The following TDRD3 variants were observed in gnomAD, a reference collection of about 807,000 sequenced individuals.
The protein encoded by TDRD3 is tudor domain containing 3, also known as tudor domain-containing protein 3.
TDRD3 carries 45 observed loss-of-function variants against 86.7 expected under a neutral mutation model. The observed-to-expected ratio is 0.52, with a 90% confidence interval of 0.41 to 0.67. The LOEUF (loss-of-function observed/expected upper bound fraction) is 0.67, where lower values mean the gene tolerates loss of function less well. TDRD3 is among the 30% of genes least tolerant of loss of function. The probability of loss-of-function intolerance (pLI) is 0.00; values close to 1 mark genes in which losing one functional copy is unlikely to be tolerated. For missense variants in TDRD3, 814 were observed against 889.0 expected (o/e 0.92, Z 1.07); for synonymous variants, 298 against 301.7 (o/e 0.99, Z 0.13).
At chr13:60,540,258 A>AG (rs1957781443) in intron 12 of TDRD3, among the ~76,000 whole-genome samples, 1 of 152,180 alleles carries the variant, frequency 6.6e-6, no homozygotes, top group African/African-American at 2.4e-5. Flanking sequence ...AGGAAACTGT[A>AG]TGGCTAGTTT....
chr13:60,505,110 G>A (rs1331077235), intron 8 of TDRD3, among the ~76,000 whole-genome samples: 1 of 152,158 alleles, frequency 6.6e-6, no homozygotes, highest in Non-Finnish European at 1.5e-5. Flanking sequence ...CTGCTGGAAA[G>A]GGGGCTGAAG....
At chr13:60,569,048 A>G (rs1488594113) in intron 13 of TDRD3, among the ~76,000 whole-genome samples, 2 of 151,962 alleles carry the variant, frequency 1.3e-5, no homozygotes, top group African/African-American at 4.8e-5. Flanking sequence ...AGCTCACTCC[A>G]GCCTCTGCCT....
intron 5 of TDRD3, among the ~76,000 whole-genome samples, chr13:60,481,449 G>C (rs112221469): frequency 0.048 from 7,255 of 150,334 alleles, 218 homozygotes; most frequent in Non-Finnish European, 0.065. Flanking sequence ...TTTACCCTAG[G>C]CTTTTCCTTT....
intron 5 of TDRD3, among the ~76,000 whole-genome samples, chr13:60,482,416 TGTTA>T (rs1287547976): frequency 3.3e-5 from 5 of 152,202 alleles, no homozygotes; most frequent in Non-Finnish European, 4.4e-5. Context: ...TTGTTAAGAT[TGTTA>T]GTTGTTTTTA....
intron 1 of TDRD3, among the ~76,000 whole-genome samples, chr13:60,405,453 TG>T (rs1181802587): frequency 4.6e-5 from 7 of 152,146 alleles, no homozygotes; most frequent in Admixed American, 2.0e-4. Flanking sequence ...CTTTTCATGG[TG>T]GTCAGAGAAT....
chr13:60,536,749 G>A (rs932708704), intron 12 of TDRD3: 11 of 151,858 alleles, frequency 7.2e-5, no homozygotes, highest in South Asian at 2.1e-4. Context: ...CTTTTCTTAC[G>A]TGGCTTCTTC....
intron 3 of TDRD3, among the ~76,000 whole-genome samples, chr13:60,445,079 T>C (rs933424814): frequency 6.6e-6 from 1 of 152,164 alleles, no homozygotes; most frequent in Non-Finnish European, 1.5e-5. Context: ...TACCTTTTTA[T>C]TTTAGTTACC....
At chr13:60,548,984 C>G (rs556419407) in intron 12 of TDRD3, among the ~76,000 whole-genome samples, 4 of 152,186 alleles carry the variant, frequency 2.6e-5, no homozygotes, top group African/African-American at 9.6e-5. Flanking sequence ...ACTTAAGCAT[C>G]CAACAGTAGG....
chr13:60,475,652 A>G lies in TDRD3; in HGVS notation c.496-8123A>G, dbSNP rs151086385. 3.4e-3 allele frequency among the ~76,000 whole-genome samples: 514 copies of G among 152,342 alleles called. 4 individuals are homozygous for G. The highest frequency in any genetic ancestry group is 0.011 in the African/African-American group (471 of 41,584). The stretch of plus-strand genomic sequence containing the variant: ...TTCCACAGTGGCTGGACTAGTTTAC[A>G]TTCCCAGCAACTGTGTATGTGTATT... On this transcript the variant is annotated intron_variant, in intron 5 of 13. Coordinates refer to ENST00000377881, the MANE Select transcript of TDRD3 (RefSeq NM_001146070.2).
intron 1 of TDRD3, among the ~76,000 whole-genome samples, chr13:60,424,231 C>T (rs1371844442): frequency 7.8e-6 from 1 of 128,536 alleles, no homozygotes; most frequent in East Asian, 2.1e-4. Flanking sequence ...CTGTGTTAGC[C>T]AGGATGGTCT....
intron 1 of TDRD3, among the ~76,000 whole-genome samples, chr13:60,403,698 A>C (rs1177203741): frequency 6.6e-6 from 1 of 152,230 alleles, no homozygotes; most frequent in East Asian, 1.9e-4. Flanking sequence ...AAAGAACTGC[A>C]TAGACAGAGA....
At chr13:60,531,827 A>G (rs9528154) in intron 11 of TDRD3, among the ~76,000 whole-genome samples, 68,128 of 151,910 alleles carry the variant, frequency 0.45, 15,734 homozygotes, top group South Asian at 0.55. Flanking sequence ...TATGAGCCAT[A>G]GTTAAAAAAA....
chr13:60,483,834 G>A lies in TDRD3; in HGVS notation c.555G>A (p.Val185=). Residue 185 remains valine, a synonymous_variant, in exon 6 of 14, where the codon GTG becomes GTA. Coordinates refer to ENST00000377881, the MANE Select transcript of TDRD3 (RefSeq NM_001146070.2). ...CTGAAGGTGGACCACCGCCTTTTGT[G>A]CCTTTTGGACAGGTAATGACTTTTG... ...IGTEGGPPPF[V]PFGQKCVSHV... is the part of the protein sequence containing the mutation. The A allele has an allele frequency of 6.2e-7, 1 of 1,613,260 alleles. No individual in the cohort carries two copies. The highest frequency in any genetic ancestry group is 1.1e-5 in the South Asian group (1 of 90,962).
intron 12 of TDRD3, among the ~76,000 whole-genome samples, chr13:60,563,256 G>A (rs537982410): frequency 1.4e-5 from 2 of 147,760 alleles, no homozygotes; most frequent in South Asian, 2.2e-4. Context: ...AAGGCAAGGC[G>A]ATTCATTAAG....
In TDRD3 at chr13:60,544,455, AAAAAG is replaced by A. The variant is rs1475053383; in HGVS notation, c.2118+9226_2118+9230del. Among the ~76,000 whole-genome samples, 14 of 145,740 alleles carry A rather than the reference AAAAAG, an allele frequency of 9.6e-5. No individual in the cohort carries two copies. In the East Asian group the frequency reaches 1.4e-3, roughly 14 times the overall value. On this transcript the variant is annotated intron_variant, in intron 12 of 13. Transcript: ENST00000377881. ...GACCATATCTCTTTAAAAAAAAAAA[AAAAAG>A]AAAGAAAGAAAAAAGAAAAGAAAAA...
chr13:60,466,632 A>G (rs1955938950), intron 4 of TDRD3, among the ~76,000 whole-genome samples: 1 of 152,018 alleles, frequency 6.6e-6, no homozygotes, highest in African/African-American at 2.4e-5. Flanking sequence ...TCCTGAAAAT[A>G]CAAAAATTAG....
At chr13:60,507,697 A>T in intron 8 of TDRD3, among the ~76,000 whole-genome samples, 1 of 152,122 alleles carries the variant, frequency 6.6e-6, no homozygotes, top group East Asian at 1.9e-4. Context: ...CAATTTGTAG[A>T]GGGAAAGACT....
At chr13:60,533,080 G>A (rs1310207992) in intron 11 of TDRD3, among the ~76,000 whole-genome samples, 1 of 152,144 alleles carries the variant, frequency 6.6e-6, no homozygotes, top group Admixed American at 6.5e-5. Context: ...ACACAAAAGT[G>A]TGGGGCTAAG....
At chr13:60,462,188 G>T (rs1955817127) in intron 4 of TDRD3, among the ~76,000 whole-genome samples, 1 of 152,142 alleles carries the variant, frequency 6.6e-6, no homozygotes, top group Admixed American at 6.6e-5. Flanking sequence ...TTCCTATGAC[G>T]AATTCAGTCA....
Sources: allele counts gnomAD v4.1 joint callset (sites outside exome capture counted in the v4.1 genomes callset), GRCh38; gene constraint gnomAD v4.1.1; transcripts MANE v1.5; gene names NCBI Gene and HGNC (gene_info 2026-07-23, HGNC 2026-07-21).